The following FAM20C variants were observed in gnomAD, a reference collection of about 807,000 sequenced individuals.
FAM20C encodes the protein extracellular serine/threonine protein kinase FAM20C.
FAM20C carries 40 observed loss-of-function variants against 51.5 expected under a neutral mutation model. That is an observed-to-expected ratio of 0.78 (90% confidence interval 0.60 to 1.01). The LOEUF (loss-of-function observed/expected upper bound fraction) is 1.01. FAM20C is among the 50% of genes least tolerant of loss of function. The pLI, the probability that FAM20C is intolerant of heterozygous loss-of-function variation, is 0.00. For missense variants in FAM20C, 861 were observed against 844.7 expected (o/e 1.02, Z -0.24); for synonymous variants, 406 against 380.6 (o/e 1.07, Z -0.78).
At chr7:212,090 C>T (rs111281437) in intron 3 of FAM20C, among the ~76,000 whole-genome samples, 10 of 152,284 alleles carry the variant, frequency 6.6e-5, no homozygotes, top group African/African-American at 1.7e-4. Context: ...TTTCTTCTTC[C>T]GCAGAGGCTG....
intron 2 of FAM20C, among the ~76,000 whole-genome samples, chr7:207,759 A>G (rs910935935): frequency 1.3e-5 from 2 of 151,750 alleles, no homozygotes; most frequent in Non-Finnish European, 2.9e-5. Context: ...GCGCGTGACA[A>G]TCTCCCATCT....
intron 3 of FAM20C, among the ~76,000 whole-genome samples, chr7:231,547 A>C (rs891837032): frequency 1.3e-5 from 2 of 151,432 alleles, no homozygotes; most frequent in East Asian, 2.0e-4. Context: ...CCGTGGGAGG[A>C]GGGTTCTGGC....
In FAM20C at chr7:259,744, A is replaced by C. The variant is rs1393577746; in HGVS notation, c.1519A>C (p.Thr507Pro). 6.5e-7 allele frequency: 1 copy of C among 1,535,324 alleles called. No homozygotes were observed. The highest frequency in any genetic ancestry group is 8.7e-7 in the Non-Finnish European group (1 of 1,145,954). The change falls in exon 10 of 10, where the codon ACC (threonine) becomes CCC (proline). Residue 507 changes from threonine to proline, a missense_variant. Around this residue, in one of 3 missense-constraint regions of FAM20C, gnomAD observed 269 missense variants for 283.8 expected, o/e 0.95. Coordinates refer to ENST00000313766, the MANE Select transcript of FAM20C (RefSeq NM_020223.4). ...LQQCCRIRKS[T>P]YLRLQLLAKE... ...TCTCCTCCCCAGGATCCGGAAGTCCACCTACCTGCGTCTGCAGCTCCTGGC... is the reference window on the plus strand; with the variant it reads ...TCTCCTCCCCAGGATCCGGAAGTCCCCCTACCTGCGTCTGCAGCTCCTGGC...
chr7:260,381 G>A lies in FAM20C; in HGVS notation c.*401G>A, dbSNP rs568064035. ...TCCCTGGTTCTGGGGGCCCCTCAAGGCCAAGCTCACCCCTCAAGTGCTCTC... is the reference window on the plus strand; with the variant it reads ...TCCCTGGTTCTGGGGGCCCCTCAAGACCAAGCTCACCCCTCAAGTGCTCTC... On this transcript the variant is annotated 3_prime_UTR_variant, in exon 10 of 10. Coordinates refer to ENST00000313766, the MANE Select transcript of FAM20C (RefSeq NM_020223.4). 1 of 160,372 alleles carries A rather than the reference G, an allele frequency of 6.2e-6. No homozygotes were observed. Among genetic ancestry groups the A allele is most frequent in the African/African-American group, 2.4e-5 (1 of 41,810 alleles). The allele number at this position is 160,372 out of a possible 1,614,324, so 9.9% of individuals were successfully genotyped here.
At chr7:212,472 A>T (rs1475650953) in intron 3 of FAM20C, among the ~76,000 whole-genome samples, 1 of 152,150 alleles carries the variant, frequency 6.6e-6, no homozygotes, top group Non-Finnish European at 1.5e-5. Flanking sequence ...CAAAAAAAAA[A>T]GTTTTCTTTA....
At chr7:195,069 G>T (rs548013246) in intron 1 of FAM20C, among the ~76,000 whole-genome samples, 1 of 152,208 alleles carries the variant, frequency 6.6e-6, no homozygotes, top group Non-Finnish European at 1.5e-5. Context: ...TTGTGCCCCT[G>T]GTTGTTGGAA....
chr7:210,889 G>A (rs964166888), intron 3 of FAM20C, among the ~76,000 whole-genome samples: 11 of 152,154 alleles, frequency 7.2e-5, no homozygotes, highest in South Asian at 2.1e-4. Context: ...CCGGCGTCTC[G>A]TGGGCACTCG....
chr7:193,892 C>T (rs1785719829), intron 1 of FAM20C, 88 bp downstream of exon 1: 4 of 1,442,878 alleles, frequency 2.8e-6, no homozygotes, highest in South Asian at 2.8e-5. Flanking sequence ...CAGAGGGCCG[C>T]CCCCCATGGA....
chr7:211,047 C>A (rs989922924), intron 3 of FAM20C, among the ~76,000 whole-genome samples: 30 of 151,954 alleles, frequency 2.0e-4, no homozygotes, highest in Non-Finnish European at 3.7e-4. Flanking sequence ...AAAGTAGAGA[C>A]CCTCCTGGAC....
intron 5 of FAM20C, among the ~76,000 whole-genome samples, 165 bp downstream of exon 5, chr7:248,595 C>T (rs1270057926): frequency 6.9e-6 from 1 of 144,960 alleles, no homozygotes; most frequent in African/African-American, 2.6e-5. Flanking sequence ...CACGGGGGGC[C>T]GCATTCATCT....
chr7:206,196 T>G (rs143026141), intron 2 of FAM20C, among the ~76,000 whole-genome samples: 1 of 152,240 alleles, frequency 6.6e-6, no homozygotes, highest in African/African-American at 2.4e-5. Context: ...CAGATACCTC[T>G]CAGATCCTCA....
intron 6 of FAM20C, 71 bp from the exon 7 acceptor site, chr7:256,583 G>A: frequency 1.6e-6 from 2 of 1,257,022 alleles, no homozygotes; most frequent in Non-Finnish European, 2.2e-6. Context: ...TTTCTCTTCT[G>A]CTCCTCATGG....
chr7:201,703 C>T (rs760990256), intron 2 of FAM20C, among the ~76,000 whole-genome samples: 16 of 152,218 alleles, frequency 1.1e-4, no homozygotes, highest in East Asian at 9.6e-4. Context: ...CTATGTAAGA[C>T]GCTTATTTCA....
chr7:256,105 G>A, intron 6 of FAM20C, 76 bp downstream of exon 6: 1 of 1,494,024 alleles, frequency 6.7e-7, no homozygotes, highest in Non-Finnish European at 8.9e-7. Context: ...GCATGGGAGG[G>A]TCGGCGCCCA....
chr7:208,423 TG>T (rs1320092489), intron 2 of FAM20C, among the ~76,000 whole-genome samples: 4 of 149,104 alleles, frequency 2.7e-5, no homozygotes, highest in South Asian at 2.2e-4. Context: ...TGTGTGTGGG[TG>T]TATACGTGTG....
intron 8 of FAM20C, chr7:257,315 A>G: frequency 1.8e-6 from 1 of 561,470 alleles, no homozygotes; most frequent in Non-Finnish European, 3.2e-6. Context: ...GCTGCAGACC[A>G]AGTCCCGGCA....
intron 2 of FAM20C, among the ~76,000 whole-genome samples, chr7:207,631 G>A (rs1786490202): frequency 6.6e-6 from 1 of 152,254 alleles, no homozygotes; most frequent in Non-Finnish European, 1.5e-5. Flanking sequence ...GTGCCGGCAG[G>A]GATGCCCGGC....
intron 3 of FAM20C, among the ~76,000 whole-genome samples, chr7:237,016 C>G (rs1015316664): frequency 6.6e-6 from 1 of 152,162 alleles, no homozygotes; most frequent in Non-Finnish European, 1.5e-5. Context: ...GGAAAAGGGG[C>G]ATCCAGAAGC....
chr7:204,235 G>T (rs112257351), intron 2 of FAM20C, among the ~76,000 whole-genome samples: 1 of 152,202 alleles, frequency 6.6e-6, no homozygotes. Context: ...CCCGGTACCC[G>T]GTGAGAAGCC....
Sources: allele counts gnomAD v4.1 joint callset (sites outside exome capture counted in the v4.1 genomes callset), GRCh38; gene constraint gnomAD v4.1.1; regional missense constraint gnomAD v4.1.1; transcripts MANE v1.5; gene names NCBI Gene and HGNC (gene_info 2026-07-23, HGNC 2026-07-21).